LRIG1: variants seen among roughly 807,000 people sequenced by gnomAD.
LRIG1 encodes the protein leucine-rich repeats and immunoglobulin-like domains protein 1.
Under a neutral mutation model 99.2 loss-of-function variants are expected in LRIG1, and 48 were observed. The observed-to-expected ratio is 0.48, with a 90% confidence interval of 0.38 to 0.62. LRIG1 has a LOEUF of 0.62. LRIG1 is among the 20% of genes least tolerant of loss of function. The pLI is 0.00. For synonymous variants in LRIG1, 772 were observed against 596.1 expected (o/e 1.29, Z -4.30); for missense variants, 1,646 against 1,434.4 (o/e 1.15, Z -2.38).
chr3:66,424,919 A>C (rs1014631309), intron 3 of LRIG1, among the ~76,000 whole-genome samples: 1 of 152,240 alleles, frequency 6.6e-6, no homozygotes, highest in Non-Finnish European at 1.5e-5. Context: ...GTGGACTAAT[A>C]TGAGTGTTCT....
rs117813862 is a variant in LRIG1 at position 66,430,544 on chromosome 3, G to A, written c.366-13278C>T. Among the ~76,000 whole-genome samples, 612 of 152,260 alleles carry A rather than the reference G, an allele frequency of 4.0e-3. 9 individuals carry two copies. In the East Asian group the frequency reaches 0.046, roughly 12 times the overall value. ...CACACGCCTCCCCTGGGAGTTCCAC[G>A]TGGACACTGCTGACCCGAGGAAGCT... On this transcript the variant is annotated intron_variant, in intron 3 of 18. Transcript: ENST00000273261.
chr3:66,389,198 G>A (rs1279651914), intron 12 of LRIG1, among the ~76,000 whole-genome samples: 1 of 151,874 alleles, frequency 6.6e-6, no homozygotes, highest in African/African-American at 2.4e-5. Context: ...TAATTCCTAT[G>A]GGCAAAACTA....
chr3:66,472,957 C>G (rs1392440613), intron 1 of LRIG1, among the ~76,000 whole-genome samples: 1 of 151,814 alleles, frequency 6.6e-6, no homozygotes, highest in South Asian at 2.1e-4. Flanking sequence ...AATATTAGTA[C>G]AAAAACCTCA....
At chr3:66,422,288 T>C (rs1452379663) in intron 3 of LRIG1, among the ~76,000 whole-genome samples, 2 of 152,246 alleles carry the variant, frequency 1.3e-5, no homozygotes, top group African/African-American at 4.8e-5. Context: ...TATTGCATTG[T>C]CAGGCTGCAA....
chr3:66,391,064 C>T (rs1326591702), intron 12 of LRIG1, among the ~76,000 whole-genome samples: 1 of 151,882 alleles, frequency 6.6e-6, no homozygotes, highest in African/African-American at 2.4e-5. Context: ...GAAAACATGC[C>T]TAACATCATT....
chr3:66,471,675 T>C (rs897777523), intron 1 of LRIG1, among the ~76,000 whole-genome samples: 5 of 152,218 alleles, frequency 3.3e-5, no homozygotes, highest in African/African-American at 9.6e-5. Context: ...AACCACGCTC[T>C]ACTGCGGCAG....
chr3:66,492,840 G>T (rs753395548), intron 1 of LRIG1, among the ~76,000 whole-genome samples: 1 of 152,138 alleles, frequency 6.6e-6, no homozygotes, highest in Non-Finnish European at 1.5e-5. Flanking sequence ...AATCGTGGCC[G>T]TTCACGTGGG....
chr3:66,406,595 A>G (rs182002136), intron 8 of LRIG1, among the ~76,000 whole-genome samples: 1 of 152,066 alleles, frequency 6.6e-6, no homozygotes, highest in Non-Finnish European at 1.5e-5. Flanking sequence ...AGACCCTAGA[A>G]CCCGCCACCA....
intron 13 of LRIG1, among the ~76,000 whole-genome samples, 167 bp from the exon 14 acceptor site, chr3:66,384,439 C>G (rs1486990461): frequency 1.3e-5 from 2 of 152,174 alleles, no homozygotes; most frequent in Non-Finnish European, 2.9e-5. Flanking sequence ...GAACCCCCAG[C>G]TTCTCCCACC....
In LRIG1 at chr3:66,382,408, G is replaced by A. The variant is rs200632274; in HGVS notation, c.2492-10C>T. On this transcript the variant is annotated splice_polypyrimidine_tract_variant and intron_variant, in intron 15 of 18. Transcript: ENST00000273261. ...GGCACGACGGTTTCATCTGCAAGGA[G>A]ACAGAACAAATAGAACACCAGGGTC... The A allele has an allele frequency of 4.3e-6, 7 of 1,614,194 alleles. No individual in the cohort carries two copies. Among genetic ancestry groups the A allele is most frequent in the Non-Finnish European group, 5.9e-6 (7 of 1,180,018 alleles).
At chr3:66,406,473 C>G (rs1357387110) in intron 8 of LRIG1, 24 of 956,290 alleles carry the variant, frequency 2.5e-5, no homozygotes, top group Non-Finnish European at 3.0e-5. Flanking sequence ...TTCACACTCC[C>G]TGGCAATGGC....
chr3:66,445,513 G>A (rs1703687916), intron 3 of LRIG1, among the ~76,000 whole-genome samples: 1 of 152,000 alleles, frequency 6.6e-6, no homozygotes, highest in Non-Finnish European at 1.5e-5. Context: ...GTCTTGGGGA[G>A]AATCTCTACG....
Position 66,462,615 on chromosome 3 carries a change from C to T in LRIG1, c.219-106G>A, listed in dbSNP as rs1042875476. 9.5e-5 allele frequency: 72 copies of T among 760,014 alleles called. No individual in the cohort carries two copies. In the Admixed American group the frequency reaches 1.4e-3, roughly 15 times the overall value. 47.1% of individuals were successfully genotyped at this position (760,014 alleles called of 1,614,324 possible). A position where few individuals can be genotyped will look rare whatever the true frequency, so the allele number is the denominator to read the frequency against. On this transcript the variant is annotated intron_variant, in intron 1 of 18. Coordinates refer to ENST00000273261, the MANE Select transcript of LRIG1 (RefSeq NM_015541.3). ...GCTCCCCCACCCTCAAATCCAAGCC[C>T]CCATCCCATGATCATGTATTAAGTA...
intron 2 of LRIG1, among the ~76,000 whole-genome samples, chr3:66,453,062 C>T (rs138586810): frequency 1.3e-5 from 2 of 152,300 alleles, no homozygotes; most frequent in East Asian, 1.9e-4. Flanking sequence ...TGATCCATTT[C>T]CCATCCTCAC....
intron 3 of LRIG1, among the ~76,000 whole-genome samples, chr3:66,421,014 T>G (rs866532406): frequency 2.0e-5 from 3 of 152,116 alleles, no homozygotes; most frequent in African/African-American, 7.2e-5. Flanking sequence ...GAAACTCCTG[T>G]TTTTAAAACC....
chr3:66,385,913 G>T (rs1266317083), intron 13 of LRIG1, 68 bp downstream of exon 13: 2 of 1,391,604 alleles, frequency 1.4e-6, no homozygotes, highest in African/African-American at 2.8e-5. Context: ...TACATGGAAA[G>T]CTGAAAGGGC....
At chr3:66,446,381 C>T (rs954098071) in intron 3 of LRIG1, among the ~76,000 whole-genome samples, 1 of 150,622 alleles carries the variant, frequency 6.6e-6, no homozygotes, top group African/African-American at 2.4e-5. Flanking sequence ...GTTAAGTATC[C>T]TATCCTCTCC....
intron 2 of LRIG1, among the ~76,000 whole-genome samples, chr3:66,455,715 T>C (rs188851482): frequency 2.0e-5 from 3 of 152,336 alleles, no homozygotes; most frequent in Admixed American, 6.5e-5. Flanking sequence ...CAGTATCACA[T>C]AGGAATATGG....
Position 66,475,599 on chromosome 3 carries a change from CTG to C in LRIG1, c.219-13092_219-13091del, listed in dbSNP as rs540471052. Among the ~76,000 whole-genome samples the C allele has an allele frequency of 9.2e-5, 14 of 152,356 alleles. No homozygotes were observed. In the South Asian group the frequency reaches 2.5e-3, roughly 27 times the overall value. ...GCTACACAAACATGACTCTGCGAAACTGTGCTGACAACTGCGTTTACTTGTGG... is the reference window on the plus strand; with the variant it reads ...GCTACACAAACATGACTCTGCGAAACTGCTGACAACTGCGTTTACTTGTGG... On this transcript the variant is annotated intron_variant, in intron 1 of 18. Coordinates refer to ENST00000273261, the MANE Select transcript of LRIG1 (RefSeq NM_015541.3).
Sources: gnomAD v4.1 joint callset for allele counts (sites outside exome capture counted in the v4.1 genomes callset) on GRCh38, gnomAD v4.1.1 for gene constraint, MANE v1.5 for transcripts, NCBI Gene and HGNC (gene_info 2026-07-23, HGNC 2026-07-21) for gene names.